MACROD2: variants seen among roughly 807,000 people sequenced by gnomAD.
MACROD2 encodes the protein ADP-ribose glycohydrolase MACROD2.
Under a neutral mutation model 70.4 loss-of-function variants are expected in MACROD2, and 36 were observed. The observed-to-expected ratio is 0.51, with a 90% CI of 0.39 to 0.68. The LOEUF is 0.68. MACROD2 is among the 30% of genes least tolerant of loss of function. MACROD2 has a pLI of 0.00. For missense variants in MACROD2, 496 were observed against 538.4 expected (o/e 0.92, Z 0.78); for synonymous variants, 172 against 178.8 (o/e 0.96, Z 0.30).
At chr20:15,766,749 C>T (rs958418544) in intron 8 of MACROD2, among the ~76,000 whole-genome samples, 8 of 152,150 alleles carry the variant, frequency 5.3e-5, no homozygotes, top group African/African-American at 9.7e-5. Context: ...TCTTGAGACC[C>T]AGTAATAGTT....
At chr20:14,336,645 G>A (rs1233178107) in intron 3 of MACROD2, among the ~76,000 whole-genome samples, 1 of 152,142 alleles carries the variant, frequency 6.6e-6, no homozygotes, top group Non-Finnish European at 1.5e-5. Flanking sequence ...GCATACATCA[G>A]GCATAGCTTC....
intron 3 of MACROD2, among the ~76,000 whole-genome samples, chr20:14,407,626 A>T (rs1836137491): frequency 1.3e-5 from 2 of 152,116 alleles, no homozygotes; most frequent in Non-Finnish European, 2.9e-5. Flanking sequence ...AATGAAGTAA[A>T]TATGTAATGC....
At chr20:15,595,511 ATACT>A (rs1705473402) in intron 8 of MACROD2, among the ~76,000 whole-genome samples, 1 of 152,214 alleles carries the variant, frequency 6.6e-6, no homozygotes, top group Non-Finnish European at 1.5e-5. Flanking sequence ...GATATAAAAA[ATACT>A]TAATCTAAAT....
At chr20:15,832,171 AT>A (rs1038416791) in intron 8 of MACROD2, among the ~76,000 whole-genome samples, 33 of 151,984 alleles carry the variant, frequency 2.2e-4, no homozygotes, top group African/African-American at 6.3e-4. Flanking sequence ...TTGCATTTTA[AT>A]TTTTTTTGCA....
chr20:14,652,959 G>A (rs548851253), intron 4 of MACROD2, among the ~76,000 whole-genome samples: 1 of 152,290 alleles, frequency 6.6e-6, no homozygotes, highest in East Asian at 1.9e-4. Context: ...CTAAGGTTTA[G>A]AGTCAAGCAA....
chr20:15,936,513 A>G (rs1192265283), intron 11 of MACROD2, among the ~76,000 whole-genome samples: 1 of 148,438 alleles, frequency 6.7e-6, no homozygotes, highest in African/African-American at 2.4e-5. Flanking sequence ...TATACTCTAT[A>G]TATACACATG....
At chr20:14,340,111 G>A (rs1247485457) in intron 3 of MACROD2, among the ~76,000 whole-genome samples, 3 of 152,210 alleles carry the variant, frequency 2.0e-5, no homozygotes, top group African/African-American at 7.2e-5. Context: ...GGGGATGACT[G>A]TTTTGATTGA....
chr20:14,216,603 T>G (rs1362964608), intron 3 of MACROD2, among the ~76,000 whole-genome samples: 1 of 152,138 alleles, frequency 6.6e-6, no homozygotes, highest in Non-Finnish European at 1.5e-5. Flanking sequence ...GGCAGTATGG[T>G]CATTTTCACA....
intron 5 of MACROD2, among the ~76,000 whole-genome samples, chr20:15,131,958 A>C (rs1057382302): frequency 6.6e-6 from 1 of 152,062 alleles, no homozygotes; most frequent in African/African-American, 2.4e-5. Flanking sequence ...TGAAAAAAGA[A>C]ATCCCATCTA....
chr20:14,697,540 G>A (rs2071141171), intron 5 of MACROD2, among the ~76,000 whole-genome samples: 1 of 152,204 alleles, frequency 6.6e-6, no homozygotes, highest in South Asian at 2.1e-4. Context: ...CACTAAACCT[G>A]TTACCTTAAA....
At chr20:15,048,602 A>G (rs910328899) in intron 5 of MACROD2, among the ~76,000 whole-genome samples, 1 of 152,190 alleles carries the variant, frequency 6.6e-6, no homozygotes, top group Non-Finnish European at 1.5e-5. Flanking sequence ...TTTTCTATGC[A>G]ATCAGATAAA....
At chr20:15,087,717 T>A (rs1439085846) in intron 5 of MACROD2, among the ~76,000 whole-genome samples, 2 of 151,982 alleles carry the variant, frequency 1.3e-5, no homozygotes, top group African/African-American at 4.8e-5. Flanking sequence ...AAAATTAAAA[T>A]TTTTCATGGC....
chr20:16,018,667 C>A (rs527238170), intron 15 of MACROD2, among the ~76,000 whole-genome samples: 8 of 152,272 alleles, frequency 5.3e-5, no homozygotes, highest in African/African-American at 1.9e-4. Context: ...GGATTCCTTT[C>A]TTTTTTTCTT....
chr20:14,698,745 AATTTAATTAAATAATTAAATGTAATT>A (rs2071156198), intron 5 of MACROD2, among the ~76,000 whole-genome samples: 1 of 150,520 alleles, frequency 6.6e-6, no homozygotes, highest in South Asian at 2.1e-4. Context: ...AAACTTTATT[AATTTAATTAAATAATTAAATGTAATT>A]ATTTAATTAA....
At chr20:15,633,100 C>T (rs2049315570) in intron 8 of MACROD2, among the ~76,000 whole-genome samples, 1 of 152,176 alleles carries the variant, frequency 6.6e-6, no homozygotes, top group East Asian at 1.9e-4. Context: ...ACCCTCCTTT[C>T]AACTGTGTGG....
At chr20:15,799,000 A>T (rs904142523) in intron 8 of MACROD2, among the ~76,000 whole-genome samples, 11 of 151,878 alleles carry the variant, frequency 7.2e-5, no homozygotes, top group African/African-American at 2.7e-4. Flanking sequence ...CCATCATCCA[A>T]CATCATTATT....
rs138647568 is a variant in MACROD2 at position 15,893,007 on chromosome 20, G to A, written c.775+7196G>A. On this transcript the variant is annotated intron_variant, in intron 10 of 17. Coordinates refer to ENST00000684519, the MANE Select transcript of MACROD2 (RefSeq NM_001351661.2). ...GCCAGAATGTTCGAAAGACTCTAGC[G>A]AGGGTAAGTCCTGTCCCTCCTTCCT... 4.0e-3 allele frequency: 1,612 copies of A among 399,038 alleles called. 4 individuals carry two copies. The highest frequency in any genetic ancestry group is 5.0e-3 in the Middle Eastern group (8 of 1,588). The allele number at this position is 399,038 out of a possible 1,614,324, so 24.7% of individuals were successfully genotyped here.
chr20:15,177,557 T>C (rs929003510), intron 5 of MACROD2, among the ~76,000 whole-genome samples: 1 of 152,218 alleles, frequency 6.6e-6, no homozygotes, highest in African/African-American at 2.4e-5. Context: ...TTCAGTGGTA[T>C]CCTGACAGGA....
At chr20:14,725,752 C>T (rs531542498) in intron 5 of MACROD2, among the ~76,000 whole-genome samples, 1 of 152,148 alleles carries the variant, frequency 6.6e-6, no homozygotes, top group Non-Finnish European at 1.5e-5. Flanking sequence ...GTAGCCGCCC[C>T]AGAGGGTGAG....
Sources: gnomAD v4.1 joint callset for allele counts (sites outside exome capture counted in the v4.1 genomes callset) on GRCh38, gnomAD v4.1.1 for gene constraint, MANE v1.5 for transcripts, NCBI Gene and HGNC (gene_info 2026-07-23, HGNC 2026-07-21) for gene names.